The following CPXM1 variants were observed in gnomAD, a reference collection of about 807,000 sequenced individuals.
CPXM1 encodes carboxypeptidase X, M14 family member 1, also known as probable carboxypeptidase X1.
Under a neutral mutation model 80.4 loss-of-function variants are expected in CPXM1, and 72 were observed. The ratio of observed to expected loss-of-function variants is 0.90; its 90% CI spans 0.74 to 1.09. The LOEUF is 1.09. CPXM1 is among the 50% of genes least tolerant of loss of function. The pLI, the probability that CPXM1 is intolerant of heterozygous loss-of-function variation, is 0.00. For missense variants in CPXM1, 892 were observed against 999.4 expected (o/e 0.89, Z 1.45); for synonymous variants, 403 against 405.6 (o/e 0.99, Z 0.08).
In CPXM1 at chr20:2,798,195, G is replaced by A. The variant is rs745504952; in HGVS notation, c.547C>T (p.Arg183Cys). 1.1e-5 allele frequency: 18 copies of A among 1,614,010 alleles called. No homozygotes were observed. Among genetic ancestry groups the A allele is most frequent in the East Asian group, 4.5e-5 (2 of 44,876 alleles). ...CCCTGTGTGATAACACCCGAGAAGC[G>A]GGTGGGGTGCCCAGCGTCCACCTGA... Reference protein sequence around the residue: ...WFQVDAGHPTRFSGVITQGRN... With the variant: ...WFQVDAGHPTCFSGVITQGRN... Residue 183 changes from arginine (R) to cysteine (C), a missense_variant, in exon 4 of 14, where the codon CGC becomes TGC. Arg to Cys is a radical substitution (Grantham distance 180). Coordinates refer to ENST00000380605, the MANE Select transcript of CPXM1 (RefSeq NM_019609.5).
intron 2 of CPXM1, 78 bp from the exon 3 acceptor site, chr20:2,798,615 C>T: frequency 1.9e-6 from 3 of 1,546,042 alleles, no homozygotes; most frequent in Non-Finnish European, 2.7e-6. Flanking sequence ...CCTAAGGTTG[C>T]TCCTGCGCTA....
Position 2,800,468 on chromosome 20 carries a change from G to C in CPXM1, c.105C>G (p.Thr35=), listed in dbSNP as rs2088559588. 6.8e-7 allele frequency: 1 copy of C among 1,468,044 alleles called. No homozygotes were observed. Among genetic ancestry groups the C allele is most frequent in the Non-Finnish European group, 9.0e-7 (1 of 1,116,910 alleles). The allele number at this position is 1,468,044 out of a possible 1,614,324, so 90.9% of individuals were successfully genotyped here. A position where few individuals can be genotyped will look rare whatever the true frequency, so the allele number is the denominator to read the frequency against. ...SVLGLAQPGT[T]KVPGSTPALH... ...GGGCCGGGGTCGAGCCTGGGACCTT[G>C]GTGGTCCCGGGCTGCGCGAGGCCCA... Residue 35 remains threonine, a synonymous_variant, in exon 1 of 14, where the codon ACC becomes ACG. Transcript: ENST00000380605.
In CPXM1 at chr20:2,800,535, G is replaced by T; in HGVS notation, c.38C>A (p.Pro13Gln). Residue 13 changes from proline (P) to glutamine (Q), a missense_variant, in exon 1 of 14, where the codon CCG becomes CAG. By Grantham distance (76) the Pro-to-Gln change is moderately conservative. Transcript: ENST00000380605. ...CGCCCCCAGAGCCGGGCCGACGGCC[G>T]GCGCGAAGGCGGCCAGGGCGAGCAG... ...GLLLALAAFA[P>Q]AVGPALGAPR... is the part of the protein sequence containing the mutation. 3 of 1,355,788 alleles carry T rather than the reference G, an allele frequency of 2.2e-6. No homozygotes were observed. The highest frequency in any genetic ancestry group is 1.5e-5 in the African/African-American group (1 of 65,110). 84.0% of individuals were successfully genotyped at this position (1,355,788 alleles called of 1,614,324 possible).
rs768589753 is a variant in CPXM1 at position 2,794,496 on chromosome 20, A to G, written c.1963+41T>C. On this transcript the variant is annotated intron_variant, in intron 13 of 13. Coordinates refer to ENST00000380605, the MANE Select transcript of CPXM1 (RefSeq NM_019609.5). The surrounding 1 kb of genome is among the most constrained non-coding windows in gnomAD (Gnocchi z 5.2). Reference sequence around the variant, plus strand: ...ATCTTCTGCTTCTTCCCGAGCCTCCAGCCCTCCAGCCCCTTCCCTTGCCCT... The same window carrying G: ...ATCTTCTGCTTCTTCCCGAGCCTCCGGCCCTCCAGCCCCTTCCCTTGCCCT... The G allele has an allele frequency of 6.2e-7, 1 of 1,613,682 alleles. No individual in the cohort carries two copies. Among genetic ancestry groups the G allele is most frequent in the Non-Finnish European group, 8.5e-7 (1 of 1,179,766 alleles).
At position 2,794,730 on chromosome 20, in the gene CPXM1, G is replaced by C. The variant is rs980410954; in HGVS notation, c.1861-91C>G. On this transcript the variant is annotated intron_variant, in intron 12 of 13. Coordinates refer to ENST00000380605, the MANE Select transcript of CPXM1 (RefSeq NM_019609.5). The surrounding 1 kb of genome is among the most constrained non-coding windows in gnomAD (Gnocchi z 5.2). ...GCTGGCTCTGTTGCCCTGCAAACCT[G>C]AGCAAAGTGGTAGGTCTACTGTGTT... is the stretch of plus-strand genomic sequence containing the variant. 1 of 947,146 alleles carries C rather than the reference G, an allele frequency of 1.1e-6. No homozygotes were observed. The highest frequency in any genetic ancestry group is 1.7e-6 in the Non-Finnish European group (1 of 597,426). 58.7% of individuals were successfully genotyped at this position (947,146 alleles called of 1,614,324 possible).
Position 2,798,545 on chromosome 20 carries a change from G to A in CPXM1, c.341-8C>T, listed in dbSNP as rs371990817. The A allele has an allele frequency of 8.8e-5, 141 of 1,611,420 alleles. No homozygotes were observed. Among genetic ancestry groups the A allele is most frequent in the African/African-American group, 4.0e-4 (30 of 74,890 alleles). The stretch of plus-strand genomic sequence containing the variant: ...GACCCAAAGGAGGACAGCCTGGGGC[G>A]GGGATAGAACAGTGAGACAGGACCA... On this transcript the variant is annotated splice_region_variant and splice_polypyrimidine_tract_variant and intron_variant, in intron 2 of 13. Coordinates refer to ENST00000380605, the MANE Select transcript of CPXM1 (RefSeq NM_019609.5).
At chr20:2,798,621 C>G in intron 2 of CPXM1, 84 bp from the exon 3 acceptor site, 3 of 1,540,174 alleles carry the variant, frequency 1.9e-6, no homozygotes, top group South Asian at 2.3e-5. Flanking sequence ...GTTGCTCCTG[C>G]GCTAGGCAAG....
chr20:2,800,456 GCCTGGGACCTTGGTGGT>G lies in CPXM1; in HGVS notation c.100_116del (p.Thr34LeufsTer7). On this transcript the variant is annotated frameshift_variant, in exon 1 of 14. Transcript: ENST00000380605. LOFTEE classifies it high-confidence loss of function. ...GGCTGCTATGCAGGGCCGGGGTCGAGCCTGGGACCTTGGTGGTCCCGGGCTGCGCGAGGCCCAGCACC... is the reference window on the plus strand; with the variant it reads ...GGCTGCTATGCAGGGCCGGGGTCGAGCCCGGGCTGCGCGAGGCCCAGCACC... 6.7e-7 allele frequency: 1 copy of G among 1,491,604 alleles called. No homozygotes were observed. The allele number at this position is 1,491,604 out of a possible 1,614,324, so 92.4% of individuals were successfully genotyped here.
intron 5 of CPXM1, 99 bp from the exon 6 acceptor site, chr20:2,797,441 A>G (rs2088522452): frequency 1.5e-6 from 2 of 1,301,932 alleles, no homozygotes; most frequent in African/African-American, 3.0e-5. Flanking sequence ...CTGTCTCCCC[A>G]CCCTAGTGGG....
At position 2,798,034 on chromosome 20, in the gene CPXM1, C is replaced by T. The variant is rs372632758; in HGVS notation, c.615G>A (p.Lys205=). The part of the protein sequence containing the change: ...VWRYDWVTSY[K]VQFSNDSRTW... ...TCCGACTGTCATTGCTGAACTGGACCTTGTATGATGTGACCCAGTCATACC... is the reference window on the plus strand; with the variant it reads ...TCCGACTGTCATTGCTGAACTGGACTTTGTATGATGTGACCCAGTCATACC... The change falls in exon 5 of 14, where the codon AAG becomes AAA. Residue 205 remains lysine (K), a synonymous_variant. Coordinates refer to ENST00000380605, the MANE Select transcript of CPXM1 (RefSeq NM_019609.5). The T allele has an allele frequency of 2.5e-6, 4 of 1,614,058 alleles. No homozygotes were observed. The highest frequency in any genetic ancestry group is 3.4e-6 in the Non-Finnish European group (4 of 1,180,026).
At position 2,796,337 on chromosome 20, in the gene CPXM1, C is replaced by T; in HGVS notation, c.1152G>A (p.Gly384=). ...MQFLCHEFLR[G]NPRVTRLLSE... is the part of the protein sequence containing the mutation. ...AGAGCAGCCGGGTCACCCGTGGGTT[C>T]CCTCGCAGGAACTCATGGCACAGGA... Residue 384 remains glycine (G), a synonymous_variant, in exon 9 of 14, where the codon GGG becomes GGA. Transcript: ENST00000380605. The surrounding 1 kb of genome is among the most constrained non-coding windows in gnomAD (Gnocchi z 6.8). 6.2e-7 allele frequency: 1 copy of T among 1,614,054 alleles called. No homozygotes were observed. The highest frequency in any genetic ancestry group is 8.5e-7 in the Non-Finnish European group (1 of 1,180,004).
At position 2,798,557 on chromosome 20, in the gene CPXM1, G is replaced by C; in HGVS notation, c.341-20C>G. On this transcript the variant is annotated intron_variant, in intron 2 of 13. Coordinates refer to ENST00000380605, the MANE Select transcript of CPXM1 (RefSeq NM_019609.5). Reference sequence around the variant, plus strand: ...GACAGCCTGGGGCGGGGATAGAACAGTGAGACAGGACCAGAGGGAGGGTAG... The same window carrying C: ...GACAGCCTGGGGCGGGGATAGAACACTGAGACAGGACCAGAGGGAGGGTAG... 4 of 1,604,558 alleles carry C rather than the reference G, an allele frequency of 2.5e-6. No homozygotes were observed. The highest frequency in any genetic ancestry group is 3.4e-6 in the Non-Finnish European group (4 of 1,172,084).
Position 2,798,225 on chromosome 20 carries a change from A to G in CPXM1, c.517T>C (p.Trp173Arg), listed in dbSNP as rs761853806. Reference protein sequence around the residue: ...WCAEEQDADPWFQVDAGHPTR... With the variant: ...WCAEEQDADPRFQVDAGHPTR... Reference sequence around the variant, plus strand: ...GGGTGCCCAGCGTCCACCTGAAACCATGGATCGGCGTCCTGCTCCTCAGCA... The same window carrying G: ...GGGTGCCCAGCGTCCACCTGAAACCGTGGATCGGCGTCCTGCTCCTCAGCA... Residue 173 changes from tryptophan (W) to arginine (R), a missense_variant, in exon 4 of 14, where the codon TGG (tryptophan) becomes CGG (arginine). Physicochemically the swap from Trp to Arg is moderately radical, Grantham distance 101. Coordinates refer to ENST00000380605, the MANE Select transcript of CPXM1 (RefSeq NM_019609.5). 9.3e-6 allele frequency: 15 copies of G among 1,613,910 alleles called. No homozygotes were observed. In the Admixed American group the frequency reaches 1.8e-4, roughly 20 times the overall value.
rs932477514 is a variant in CPXM1, at chr20:2,796,650, G to T, written c.922C>A (p.Leu308Met). ...CATTGCTCTTGTACCTGCTTCATCA[G>T]CTGGTGGGCAGAGTGTAGCGTGGCA... ...QHHNYKAMRK[L>M]MKQVQEQCPN... is the part of the protein sequence containing the mutation. The change falls in exon 8 of 14, where the codon CTG (leucine) becomes ATG (methionine). Residue 308 changes from leucine to methionine, a missense_variant and splice_region_variant. This residue lies in a region of CPXM1 where 874 missense variants were observed against 958.4 expected (regional missense o/e 0.91). Coordinates refer to ENST00000380605, the MANE Select transcript of CPXM1 (RefSeq NM_019609.5). This position sits in a 1 kb window ranked among gnomAD's most constrained non-coding sequence, Gnocchi z 6.8. 1 of 1,613,954 alleles carries T rather than the reference G, an allele frequency of 6.2e-7. No homozygotes were observed. The highest frequency in any genetic ancestry group is 1.3e-5 in the African/African-American group (1 of 74,926).
rs755133941 is a variant in CPXM1, at chr20:2,796,338, C to A, written c.1151G>T (p.Gly384Val). ...MQFLCHEFLR[G>V]NPRVTRLLSE... is the part of the protein sequence containing the mutation. ...GAGCAGCCGGGTCACCCGTGGGTTC[C>A]CTCGCAGGAACTCATGGCACAGGAA... Residue 384 changes from glycine to valine, a missense_variant, in exon 9 of 14, where the codon GGG becomes GTG. Physicochemically the swap from Gly to Val is moderately radical, Grantham distance 109 (BLOSUM62 -3). Coordinates refer to ENST00000380605, the MANE Select transcript of CPXM1 (RefSeq NM_019609.5). The surrounding 1 kb of genome is among the most constrained non-coding windows in gnomAD (Gnocchi z 6.8). 5.6e-6 allele frequency: 9 copies of A among 1,614,036 alleles called. No homozygotes were observed. In the South Asian group the frequency reaches 9.9e-5, roughly 18 times the overall value.
Position 2,796,738 on chromosome 20 carries a change from C to T in CPXM1, c.922-88G>A. The T allele has an allele frequency of 1.9e-6, 3 of 1,541,268 alleles. No individual in the cohort carries two copies. The highest frequency in any genetic ancestry group is 8.8e-7 in the Non-Finnish European group (1 of 1,136,950). ...TGTGCCATGGAAAGACTTAAAAAGT[C>T]AGCGATGGCCCACACAGAGGGGGCA... is the stretch of plus-strand genomic sequence containing the variant. On this transcript the variant is annotated intron_variant, in intron 7 of 13. Coordinates refer to ENST00000380605, the MANE Select transcript of CPXM1 (RefSeq NM_019609.5). The surrounding 1 kb of genome is among the most constrained non-coding windows in gnomAD (Gnocchi z 6.8).
rs1430932637 is a variant in CPXM1 at position 2,795,001 on chromosome 20, G to A, written c.1860+276C>T. On this transcript the variant is annotated intron_variant, in intron 12 of 13. Transcript: ENST00000380605. This position sits in a 1 kb window ranked among gnomAD's most constrained non-coding sequence, Gnocchi z 5.4. ...CAGCTCCTGCACCTGCCTCACGTGA[G>A]TCTCTCCTGAGGATAGCTCTGGGGC... Among the ~76,000 whole-genome samples the A allele has an allele frequency of 6.6e-6, 1 of 152,114 alleles. No individual in the cohort carries two copies. Among genetic ancestry groups the A allele is most frequent in the African/African-American group, 2.4e-5 (1 of 41,408 alleles).
At chr20:2,799,193 T>G (rs1319706339) in intron 1 of CPXM1, among the ~76,000 whole-genome samples, 1 of 152,192 alleles carries the variant, frequency 6.6e-6, no homozygotes, top group Non-Finnish European at 1.5e-5. Context: ...TCCAAAGAGC[T>G]GAGTCTGGCA....
At chr20:2,798,571 G>C in intron 2 of CPXM1, 34 bp from the exon 3 acceptor site, 1 of 1,591,838 alleles carries the variant, frequency 6.3e-7, no homozygotes, top group Non-Finnish European at 8.6e-7. Context: ...GACAGGACCA[G>C]AGGGAGGGTA....
Sources: allele counts gnomAD v4.1 joint callset (sites outside exome capture counted in the v4.1 genomes callset), GRCh38; gene constraint gnomAD v4.1.1; regional missense constraint gnomAD v4.1.1; non-coding constraint Gnocchi (gnomAD v3.1); transcripts MANE v1.5; gene names NCBI Gene and HGNC (gene_info 2026-07-23, HGNC 2026-07-21).